Variants in GUSB observed in about 807,000 individuals in gnomAD.
GUSB encodes glucuronidase beta.
A neutral mutation model predicts 74.6 loss-of-function variants in GUSB; 51 were observed. The observed-to-expected ratio is 0.68, with a 90% CI of 0.55 to 0.86. GUSB has a LOEUF of 0.86. GUSB is among the 40% of genes least tolerant of loss of function. The pLI, the probability that GUSB is intolerant of heterozygous loss-of-function variation, is 0.00. For synonymous variants in GUSB, 360 were observed against 348.3 expected (o/e 1.03, Z -0.37); for missense variants, 736 against 853.7 (o/e 0.86, Z 1.72).
chr7:65,970,468 G>A (rs1181158740), intron 8 of GUSB, 102 bp from the exon 9 acceptor site: 7 of 759,840 alleles, frequency 9.2e-6, no homozygotes, highest in Admixed American at 3.9e-5. Flanking sequence ...AACACAACAC[G>A]GGGCCAGGCA....
intron 10 of GUSB, among the ~76,000 whole-genome samples, chr7:65,967,201 G>T (rs964039061): frequency 6.6e-6 from 1 of 152,162 alleles, no homozygotes; most frequent in African/African-American, 2.4e-5. Context: ...GCTCACACCT[G>T]TAATCCCAGC....
At position 65,975,045 on chromosome 7, in the gene GUSB, C is replaced by T; in HGVS notation, c.939G>A (p.Leu313=). 6.2e-7 allele frequency: 1 copy of T among 1,613,682 alleles called. No homozygotes were observed. Among genetic ancestry groups the T allele is most frequent in the East Asian group, 2.2e-5 (1 of 44,876 alleles). Residue 313 remains leucine (L), a synonymous_variant, in exon 6 of 12, where the codon CTG becomes CTA. Coordinates refer to ENST00000304895, the MANE Select transcript of GUSB (RefSeq NM_000181.4). ...LEVQLTAQTS[L]GPVSDFYTLP... ...GTGTGTAGAAGTCAGACACAGGCCC[C>T]AGTGACGTCTGTGCAGTCAGCTGCA...
intron 8 of GUSB, among the ~76,000 whole-genome samples, chr7:65,970,758 C>T (rs889331711): frequency 6.6e-6 from 1 of 151,898 alleles, no homozygotes; most frequent in African/African-American, 2.4e-5. Context: ...GCGTGGTGGC[C>T]GGCGCCTATA....
chr7:65,979,456 T>C lies in GUSB; in HGVS notation c.667A>G (p.Thr223Ala). 2 of 1,613,960 alleles carry C rather than the reference T, an allele frequency of 1.2e-6. No individual in the cohort carries two copies. Among genetic ancestry groups the C allele is most frequent in the Non-Finnish European group, 1.7e-6 (2 of 1,179,894 alleles). Residue 223 changes from threonine to alanine, a missense_variant, in exon 4 of 12, where the codon ACA becomes GCA. Physicochemically the swap from Thr to Ala is moderately conservative, Grantham distance 58 (BLOSUM62 0). Transcript: ENST00000304895. ...GLQRSVLLYT[T>A]PTTYIDDITV... is the part of the protein sequence containing the mutation. ...ATGTCATCGATGTAGGTGGTGGGTG[T>C]CGTGTACAGAAGTACAGACCGCTGC...
intron 11 of GUSB, chr7:65,964,083 CTA>C: frequency 1.8e-6 from 1 of 543,308 alleles, no homozygotes; most frequent in East Asian, 3.5e-5. Context: ...TTCCGATTCA[CTA>C]TAGCTGACTC....
chr7:65,960,962 T>G lies in GUSB; in HGVS notation c.1891A>C (p.Asn631His), dbSNP rs752576315. The change falls in exon 12 of 12, where the codon AAT becomes CAT. Residue 631 changes from asparagine to histidine, a missense_variant. By Grantham distance (68) the Asn-to-His change is moderately conservative. This residue lies in a region of GUSB where 368 missense variants were observed against 489.9 expected (regional missense o/e 0.75). Transcript: ENST00000304895. ...LLRERYWKIANETRYPHSVAK... is the reference protein window; with the variant it reads ...LLRERYWKIAHETRYPHSVAK... Reference sequence around the variant, plus strand: ...ACTGAGTGGGGATACCTGGTTTCATTGGCAATCTTCCAGTATCTCTCTCGC... The same window carrying G: ...ACTGAGTGGGGATACCTGGTTTCATGGGCAATCTTCCAGTATCTCTCTCGC... The G allele has an allele frequency of 1.9e-6, 3 of 1,613,822 alleles. No individual in the cohort carries two copies. Among genetic ancestry groups the G allele is most frequent in the South Asian group, 2.2e-5 (2 of 91,090 alleles).
At position 65,972,929 on chromosome 7, in the gene GUSB, A is replaced by C. The variant is rs373617091; in HGVS notation, c.1391+1366T>G. Among the ~76,000 whole-genome samples the C allele has an allele frequency of 1.3e-4, 20 of 152,256 alleles. No homozygotes were observed. The South Asian group carries it at 4.1e-3, about 32-fold the overall frequency. On this transcript the variant is annotated intron_variant, in intron 8 of 11. Transcript: ENST00000304895. ...TGGCTCAGCCCAAAGCACTGCATGA[A>C]ATTGGGGTGTGCTGTATGAGTCAAG...
At chr7:65,965,278 C>T (rs1351349789) in intron 10 of GUSB, among the ~76,000 whole-genome samples, 1 of 151,402 alleles carries the variant, frequency 6.6e-6, no homozygotes, top group Non-Finnish European at 1.5e-5. Context: ...TGGTGGCGCA[C>T]GCCTGCAGTT....
chr7:65,981,818 GT>G (rs1005904459), intron 1 of GUSB, 155 bp downstream of exon 1: 4 of 635,496 alleles, frequency 6.3e-6, no homozygotes, highest in Non-Finnish European at 1.1e-5. Context: ...CTGTTCCCCC[GT>G]CCCCCAAGCC....
chr7:65,980,320 C>G lies in GUSB; in HGVS notation c.300G>C (p.Trp100Cys). 1 of 1,613,818 alleles carries G rather than the reference C, an allele frequency of 6.2e-7. No homozygotes were observed. Among genetic ancestry groups the G allele is most frequent in the Non-Finnish European group, 8.5e-7 (1 of 1,179,908 alleles). Residue 100 changes from tryptophan (W) to cysteine (C), a missense_variant, in exon 2 of 12, where the codon TGG becomes TGC. Trp to Cys is a radical substitution (Grantham distance 215). Coordinates refer to ENST00000304895, the MANE Select transcript of GUSB (RefSeq NM_000181.4). ...WRLRHFVGWV[W>C]YEREVILPER... is the part of the protein sequence containing the mutation. Reference sequence around the variant, plus strand: ...CCGGCAGGATCACCTCCCGTTCGTACCACACCCAGCCGACAAAATGCCGCA... The same window carrying G: ...CCGGCAGGATCACCTCCCGTTCGTAGCACACCCAGCCGACAAAATGCCGCA...
In GUSB at chr7:65,980,404, G is replaced by A. The variant is rs77774169; in HGVS notation, c.216C>T (p.Gly72=). The A allele has an allele frequency of 5.9e-4, 953 of 1,612,988 alleles. 8 individuals are homozygous for A. In the African/African-American group the frequency reaches 0.011, roughly 19 times the overall value. ...QWYRRPLWES[G]PTVDMPVPSS... ...AGGGAACTGGCATGTCCACGGTGGG[G>A]CCTGACTGTGGAGAGAAGAGCCGGG... is the stretch of plus-strand genomic sequence containing the variant. The change falls in exon 2 of 12, where the codon GGC becomes GGT. Residue 72 remains glycine, a synonymous_variant. Coordinates refer to ENST00000304895, the MANE Select transcript of GUSB (RefSeq NM_000181.4).
At chr7:65,981,904 G>A (rs1230583582) in intron 1 of GUSB, 70 bp downstream of exon 1, 9 of 1,346,336 alleles carry the variant, frequency 6.7e-6, no homozygotes, top group Non-Finnish European at 8.1e-6. Flanking sequence ...GAAGTCTGCG[G>A]GGGGCCCGGG....
At chr7:65,965,531 G>GT (rs376268079) in intron 10 of GUSB, among the ~76,000 whole-genome samples, 43 of 151,474 alleles carry the variant, frequency 2.8e-4, no homozygotes, top group African/African-American at 8.2e-4. Context: ...TTGCAAGTTT[G>GT]TTTTTTTTTA....
intron 10 of GUSB, among the ~76,000 whole-genome samples, chr7:65,966,031 G>GT (rs1433823154): frequency 2.6e-5 from 4 of 152,090 alleles, no homozygotes; most frequent in African/African-American, 9.7e-5. Context: ...TGAGGTGGGC[G>GT]TGGTGGCGCA....
At chr7:65,973,784 A>C (rs1268376498) in intron 8 of GUSB, among the ~76,000 whole-genome samples, 1 of 152,094 alleles carries the variant, frequency 6.6e-6, no homozygotes, top group African/African-American at 2.4e-5. Context: ...AGCAAAAATT[A>C]GCTGGGCGTG....
At chr7:65,966,802 G>A (rs911394208) in intron 10 of GUSB, among the ~76,000 whole-genome samples, 1 of 151,868 alleles carries the variant, frequency 6.6e-6, no homozygotes, top group Non-Finnish European at 1.5e-5. Context: ...AGAAAAAAAG[G>A]CTAGCACAGT....
At chr7:65,968,115 G>A (rs971245266) in intron 9 of GUSB, among the ~76,000 whole-genome samples, 1 of 151,516 alleles carries the variant, frequency 6.6e-6, no homozygotes, top group African/African-American at 2.4e-5. Context: ...AAAATTAGCA[G>A]GGCACGGTGG....
intron 9 of GUSB, among the ~76,000 whole-genome samples, chr7:65,969,118 C>A (rs533429308): frequency 1.3e-5 from 2 of 152,108 alleles, no homozygotes; most frequent in African/African-American, 4.8e-5. Flanking sequence ...TGGTGGCTCA[C>A]GCCTGTAATC....
chr7:65,976,505 T>C (rs1036608401), intron 4 of GUSB, among the ~76,000 whole-genome samples: 2 of 151,880 alleles, frequency 1.3e-5, no homozygotes, highest in Non-Finnish European at 2.9e-5. Context: ...TTTATATTTT[T>C]AGTAGAGATG....
Sources: allele counts gnomAD v4.1 joint callset (sites outside exome capture counted in the v4.1 genomes callset), GRCh38; gene constraint gnomAD v4.1.1; regional missense constraint gnomAD v4.1.1; transcripts MANE v1.5; gene names NCBI Gene and HGNC (gene_info 2026-07-23, HGNC 2026-07-21).